Variants in ZNF516 observed in about 807,000 individuals in gnomAD.
ZNF516 encodes the protein zinc finger protein 516.
In ZNF516, 19 loss-of-function variants were observed where a neutral mutation model predicts 79.7. That is an observed-to-expected ratio of 0.24 (90% CI 0.17 to 0.35). The LOEUF is 0.35. ZNF516 is among the 10% of genes least tolerant of loss of function. The probability of loss-of-function intolerance (pLI) is 1.00; values close to 1 mark genes in which losing one functional copy is unlikely to be tolerated. For synonymous variants in ZNF516, 877 were observed against 739.5 expected (o/e 1.19, Z -3.02); for missense variants, 1,678 against 1,679.5 (o/e 1.00, Z 0.02).
chr18:76,433,566 C>T, intron 3 of ZNF516, among the ~76,000 whole-genome samples: 1 of 152,162 alleles, frequency 6.6e-6, no homozygotes, highest in Middle Eastern at 3.2e-3. Context: ...GTGGAGGAGA[C>T]ATGGGAGCCT....
intron 4 of ZNF516, among the ~76,000 whole-genome samples, chr18:76,372,116 C>T (rs987103998): frequency 1.3e-5 from 2 of 152,218 alleles, no homozygotes; most frequent in African/African-American, 4.8e-5. Flanking sequence ...GGAGGGGACA[C>T]CTACAACCAC....
Position 76,380,024 on chromosome 18 carries a change from G to T in ZNF516, c.2090C>A (p.Thr697Lys). Residue 697 changes from threonine (T) to lysine (K), a missense_variant, in exon 4 of 7, where the codon ACG becomes AAG. Thr to Lys is a moderately conservative substitution (Grantham distance 78). This residue lies in a region of ZNF516 where 1,294 missense variants were observed against 1,248.3 expected (regional missense o/e 1.04). Transcript: ENST00000443185. ...GTGACCCGTCTGGCCCTCCGCTCCC[G>T]TACTGGAAGGGAACTCCACACCATC... The part of the protein sequence containing the change: ...PGDGVEFPSS[T>K]GAEGQTGHPA... The T allele has an allele frequency of 6.2e-7, 1 of 1,613,910 alleles. No individual in the cohort carries two copies. The highest frequency in any genetic ancestry group is 8.5e-7 in the Non-Finnish European group (1 of 1,179,866).
intron 1 of ZNF516, among the ~76,000 whole-genome samples, chr18:76,485,008 G>A (rs1386191501): frequency 4.6e-5 from 7 of 151,766 alleles, no homozygotes; most frequent in Non-Finnish European, 2.9e-5. Context: ...ACGTTGCTAC[G>A]GCAAGCACTT....
At chr18:76,481,013 T>A (rs1310609251) in intron 1 of ZNF516, among the ~76,000 whole-genome samples, 2 of 152,138 alleles carry the variant, frequency 1.3e-5, no homozygotes, top group Non-Finnish European at 2.9e-5. Flanking sequence ...AGGGAAAACG[T>A]TTGCTGACCC....
chr18:76,451,588 C>CAA lies in ZNF516; in HGVS notation c.-157-8378_-157-8377insTT, dbSNP rs1260513417. Among the ~76,000 whole-genome samples, 1 of 152,224 alleles carries CAA rather than the reference C, an allele frequency of 6.6e-6. No individual in the cohort carries two copies. The highest frequency in any genetic ancestry group is 1.5e-5 in the Non-Finnish European group (1 of 68,030). On this transcript the variant is annotated intron_variant, in intron 2 of 6. Coordinates refer to ENST00000443185, the MANE Select transcript of ZNF516 (RefSeq NM_014643.4). The surrounding 1 kb of genome is among the most constrained non-coding windows in gnomAD (Gnocchi z 6.0). ...TGGTGCGTTTCTGAAGGACGACTCTCAGACACGGTTGGTCCCGGCCACAGC... is the reference window on the plus strand; with the variant it reads ...TGGTGCGTTTCTGAAGGACGACTCTCAAAGACACGGTTGGTCCCGGCCACAGC...
chr18:76,480,694 G>A (rs1159702108), intron 1 of ZNF516, among the ~76,000 whole-genome samples: 1 of 151,928 alleles, frequency 6.6e-6, no homozygotes, highest in Non-Finnish European at 1.5e-5. Flanking sequence ...AGTTAATTTT[G>A]TATTTTTAGT....
chr18:76,431,278 T>C (rs1394435212), intron 3 of ZNF516, among the ~76,000 whole-genome samples: 1 of 151,898 alleles, frequency 6.6e-6, no homozygotes, highest in Non-Finnish European at 1.5e-5. Flanking sequence ...CAAAAACACT[T>C]ATCAAATAAA....
At position 76,357,693 on chromosome 18, in the gene ZNF516, T is replaced by G. The variant is rs956888439; in HGVS notation, c.*4805A>C. ...TAAAACACATTTTATCTTTTTAAATTAGAATCTTTATTGCATCTGATGGTC... is the reference window on the plus strand; with the variant it reads ...TAAAACACATTTTATCTTTTTAAATGAGAATCTTTATTGCATCTGATGGTC... On this transcript the variant is annotated 3_prime_UTR_variant, in exon 7 of 7. Transcript: ENST00000443185. 2.0e-5 allele frequency among the ~76,000 whole-genome samples: 3 copies of G among 149,984 alleles called. No homozygotes were observed. The highest frequency in any genetic ancestry group is 4.4e-5 in the Non-Finnish European group (3 of 67,986).
chr18:76,458,233 G>A (rs9960855), intron 2 of ZNF516, among the ~76,000 whole-genome samples: 2,684 of 152,232 alleles, frequency 0.018, 91 homozygotes, highest in African/African-American at 0.062. Flanking sequence ...AAGCTGATGT[G>A]GAAAGGAAAC....
At chr18:76,483,592 G>A (rs925340240) in intron 1 of ZNF516, among the ~76,000 whole-genome samples, 27 of 152,220 alleles carry the variant, frequency 1.8e-4, no homozygotes, top group African/African-American at 6.3e-4. Context: ...CATCTTCCTG[G>A]CTTAAGAAGG....
chr18:76,427,630 T>A (rs2075612933), intron 3 of ZNF516, among the ~76,000 whole-genome samples: 1 of 152,012 alleles, frequency 6.6e-6, no homozygotes, highest in African/African-American at 2.4e-5. Context: ...CCAAAAACCA[T>A]AAAGACAATT....
intron 1 of ZNF516, among the ~76,000 whole-genome samples, chr18:76,491,273 TCCCCGG>T (rs535528609): frequency 0.052 from 4,125 of 78,904 alleles, 164 homozygotes; most frequent in Admixed American, 0.14. Flanking sequence ...CCCGCCCCCC[TCCCCGG>T]CCCCGGCCCC....
intron 2 of ZNF516, among the ~76,000 whole-genome samples, chr18:76,461,214 T>C (rs566381402): frequency 4.6e-5 from 7 of 152,202 alleles, no homozygotes; most frequent in African/African-American, 1.7e-4. Flanking sequence ...AATAACAACA[T>C]ACTGAACGGG....
chr18:76,380,069 T>C lies in ZNF516; in HGVS notation c.2045A>G (p.Gln682Arg). Residue 682 changes from glutamine to arginine, a missense_variant, in exon 4 of 7, where the codon CAG becomes CGG. Physicochemically the swap from Gln to Arg is conservative, Grantham distance 43. Coordinates refer to ENST00000443185, the MANE Select transcript of ZNF516 (RefSeq NM_014643.4). ...ACCATCACCAGGGACGGGCACCTCC[T>C]GCTTGGGGTGAAATGCTGGCATCTT... ...DLKMPAFHPK[Q>R]EVPVPGDGVE... The C allele has an allele frequency of 6.2e-7, 1 of 1,613,982 alleles. No individual in the cohort carries two copies. Among genetic ancestry groups the C allele is most frequent in the Non-Finnish European group, 8.5e-7 (1 of 1,179,892 alleles).
chr18:76,481,389 T>C (rs1186926804), intron 1 of ZNF516, among the ~76,000 whole-genome samples: 4 of 152,144 alleles, frequency 2.6e-5, no homozygotes, highest in Admixed American at 2.0e-4. Context: ...ACCCCAGCCA[T>C]CTAGAAAGAG....
intron 1 of ZNF516, among the ~76,000 whole-genome samples, chr18:76,468,399 T>C (rs1393035813): frequency 6.6e-6 from 1 of 151,554 alleles, no homozygotes; most frequent in Non-Finnish European, 1.5e-5. Context: ...TTTTTTGTTT[T>C]AGGCTCATCA....
At position 76,362,653 on chromosome 18, in the gene ZNF516, G is replaced by T. The variant is rs1439100123; in HGVS notation, c.3433-96C>A. On this transcript the variant is annotated intron_variant, in intron 6 of 6. Coordinates refer to ENST00000443185, the MANE Select transcript of ZNF516 (RefSeq NM_014643.4). Reference sequence around the variant, plus strand: ...TATTAATTTTCTAATCAACATCCAAGAACACAAACAATGACCTTCACAAAG... The same window carrying T: ...TATTAATTTTCTAATCAACATCCAATAACACAAACAATGACCTTCACAAAG... The T allele has an allele frequency of 4.7e-6, 6 of 1,266,448 alleles. No homozygotes were observed. In the East Asian group the frequency reaches 1.0e-4, roughly 21 times the overall value. 78.5% of individuals were successfully genotyped at this position (1,266,448 alleles called of 1,614,324 possible).
At chr18:76,468,612 G>A (rs962202294) in intron 1 of ZNF516, among the ~76,000 whole-genome samples, 4 of 151,830 alleles carry the variant, frequency 2.6e-5, no homozygotes, top group Non-Finnish European at 5.9e-5. Flanking sequence ...TAGAGACGAG[G>A]TTTCGCCATG....
In ZNF516 at chr18:76,451,612, G is replaced by A. The variant is rs1032381112; in HGVS notation, c.-157-8401C>T. Reference sequence around the variant, plus strand: ...TCAGACACGGTTGGTCCCGGCCACAGCTACTACGGGGTCGGCGCAGAAGCC... The same window carrying A: ...TCAGACACGGTTGGTCCCGGCCACAACTACTACGGGGTCGGCGCAGAAGCC... On this transcript the variant is annotated intron_variant, in intron 2 of 6. Coordinates refer to ENST00000443185, the MANE Select transcript of ZNF516 (RefSeq NM_014643.4). The surrounding 1 kb of genome is among the most constrained non-coding windows in gnomAD (Gnocchi z 6.0). 6.6e-6 allele frequency among the ~76,000 whole-genome samples: 1 copy of A among 152,232 alleles called. No homozygotes were observed. The highest frequency in any genetic ancestry group is 1.5e-5 in the Non-Finnish European group (1 of 68,032).
Sources: gnomAD v4.1 joint callset for allele counts (sites outside exome capture counted in the v4.1 genomes callset) on GRCh38, gnomAD v4.1.1 for gene constraint, gnomAD v4.1.1 regional missense constraint, Gnocchi (gnomAD v3.1) non-coding constraint, MANE v1.5 for transcripts, NCBI Gene and HGNC (gene_info 2026-07-23, HGNC 2026-07-21) for gene names.